Variants in PDE5A observed in about 807,000 individuals in gnomAD.
PDE5A encodes the protein cGMP-specific 3',5'-cyclic phosphodiesterase.
A neutral mutation model predicts 110.2 loss-of-function variants in PDE5A; 67 were observed. The observed-to-expected ratio is 0.61, with a 90% CI of 0.50 to 0.75. PDE5A has a LOEUF of 0.75. PDE5A is among the 30% of genes least tolerant of loss of function. The pLI is 0.00. For synonymous variants in PDE5A, 328 were observed against 351.2 expected, an observed-to-expected ratio of 0.93 and a Z score of 0.74; for missense variants, 862 against 1,045.1, an observed-to-expected ratio of 0.82 and a Z score of 2.42.
At chr4:119,596,221 G>C (rs1369540241) in intron 3 of PDE5A, among the ~76,000 whole-genome samples, 1 of 151,930 alleles carries the variant, frequency 6.6e-6, no homozygotes, top group East Asian at 1.9e-4. Flanking sequence ...GCAATGAATT[G>C]ATCCTAATCA....
chr4:119,619,042 C>T (rs1025692330), intron 1 of PDE5A, among the ~76,000 whole-genome samples: 1 of 152,086 alleles, frequency 6.6e-6, no homozygotes, highest in African/African-American at 2.4e-5. Flanking sequence ...TTTCATTAGT[C>T]ATGTGAATTA....
At chr4:119,565,575 G>A (rs1223393343) in intron 4 of PDE5A, among the ~76,000 whole-genome samples, 165 bp from the exon 5 acceptor site, 1 of 152,050 alleles carries the variant, frequency 6.6e-6, no homozygotes, top group Non-Finnish European at 1.5e-5. Context: ...AAAGGTATTG[G>A]AATAGTCTCC....
intron 3 of PDE5A, among the ~76,000 whole-genome samples, chr4:119,580,477 T>C (rs1333519166): frequency 6.6e-6 from 1 of 152,188 alleles, no homozygotes; most frequent in Non-Finnish European, 1.5e-5. Flanking sequence ...CAGTGTTTAC[T>C]GTTGTTGTTT....
intron 11 of PDE5A, among the ~76,000 whole-genome samples, chr4:119,532,586 T>C (rs1726583648): frequency 6.6e-6 from 1 of 152,022 alleles, no homozygotes; most frequent in Non-Finnish European, 1.5e-5. Context: ...GTTTATTCAA[T>C]AGAGAAGAAA....
Position 119,596,544 on chromosome 4 carries a change from T to C in PDE5A, c.810A>G (p.Pro270=). 3 of 1,592,330 alleles carry C rather than the reference T, an allele frequency of 1.9e-6. No individual in the cohort carries two copies. Among genetic ancestry groups the C allele is most frequent in the Non-Finnish European group, 2.6e-6 (3 of 1,167,790 alleles). The change falls in exon 3 of 21, where the codon CCA becomes CCG. Residue 270 remains proline, a synonymous_variant. Transcript: ENST00000354960. Reference sequence around the variant, plus strand: ...TTACCTCTTCCCTATGATTCTTAATTGGCATACAAAGAATGCTTTGTGTCT... The same window carrying C: ...TTACCTCTTCCCTATGATTCTTAATCGGCATACAAAGAATGCTTTGTGTCT... ...GYKTQSILCM[P]IKNHREEVVG...
intron 9 of PDE5A, among the ~76,000 whole-genome samples, chr4:119,544,592 A>G (rs1727068553): frequency 6.6e-6 from 1 of 152,174 alleles, no homozygotes; most frequent in African/African-American, 2.4e-5. Context: ...CCTTATCCTC[A>G]CATCACAATG....
intron 2 of PDE5A, among the ~76,000 whole-genome samples, chr4:119,606,241 T>C (rs1319559879): frequency 3.9e-5 from 6 of 152,150 alleles, no homozygotes; most frequent in Non-Finnish European, 8.8e-5. Context: ...AAAACCAGAC[T>C]TTGGTATCAA....
intron 5 of PDE5A, among the ~76,000 whole-genome samples, chr4:119,564,593 G>C (rs1211512631): frequency 6.6e-6 from 1 of 151,982 alleles, no homozygotes; most frequent in African/African-American, 2.4e-5. Flanking sequence ...TCAACAGGAT[G>C]CCTAATATAA....
rs1299722312 is a variant in PDE5A at position 119,497,622 on chromosome 4, T to C, written c.*979A>G. 1 of 152,200 alleles carries C rather than the reference T, an allele frequency of 6.6e-6. No homozygotes were observed. The highest frequency in any genetic ancestry group is 2.4e-5 in the African/African-American group (1 of 41,452). The allele number at this position is 152,200 out of a possible 1,614,324, so 9.4% of individuals were successfully genotyped here. On this transcript the variant is annotated 3_prime_UTR_variant, in exon 21 of 21. Transcript: ENST00000354960. ...TAGTATTGGCAATAGCCCTTTGCTA[T>C]TTATATAATTAAAACTTTTCTTTAA...
chr4:119,591,056 T>C (rs967375403), intron 3 of PDE5A, among the ~76,000 whole-genome samples: 1 of 152,140 alleles, frequency 6.6e-6, no homozygotes, highest in African/African-American at 2.4e-5. Flanking sequence ...TGAGGAAAAA[T>C]AGAGAAAAAC....
intron 10 of PDE5A, among the ~76,000 whole-genome samples, chr4:119,540,655 A>G (rs575654629): frequency 5.8e-4 from 89 of 152,366 alleles, no homozygotes; most frequent in African/African-American, 2.1e-3. Context: ...GGGCATAAGG[A>G]TTAACTTTGT....
At chr4:119,588,335 AC>A (rs549056223) in intron 3 of PDE5A, among the ~76,000 whole-genome samples, 104 of 151,376 alleles carry the variant, frequency 6.9e-4, no homozygotes, top group African/African-American at 2.3e-3. Context: ...CATGCCACAC[AC>A]CCGGCTAATT....
chr4:119,611,986 T>C (rs1162608887), intron 1 of PDE5A, among the ~76,000 whole-genome samples: 3 of 152,222 alleles, frequency 2.0e-5, no homozygotes, highest in Admixed American at 6.5e-5. Context: ...CTAATATCTA[T>C]ACTCCGCTGA....
chr4:119,545,008 C>T (rs143964931), intron 9 of PDE5A, among the ~76,000 whole-genome samples: 1,567 of 146,516 alleles, frequency 0.011, 13 homozygotes, highest in Non-Finnish European at 0.017. Context: ...CAGAGTTAAG[C>T]TCTGGGGAAA....
chr4:119,602,109 C>G (rs1729367154), intron 2 of PDE5A, among the ~76,000 whole-genome samples: 1 of 151,926 alleles, frequency 6.6e-6, no homozygotes, highest in African/African-American at 2.4e-5. Flanking sequence ...TGTTAATAGT[C>G]TTGTATCAGA....
At position 119,539,104 on chromosome 4, in the gene PDE5A, G is replaced by A. The variant is rs1351966468; in HGVS notation, c.1573-85C>T. 2.9e-6 allele frequency: 3 copies of A among 1,034,344 alleles called. No individual in the cohort carries two copies. The African/African-American group carries it at 4.7e-5, about 16-fold the overall frequency. The allele number at this position is 1,034,344 out of a possible 1,614,324, so 64.1% of individuals were successfully genotyped here. The stretch of plus-strand genomic sequence containing the variant: ...AACTTCAAGCTTGGAATTCTGCTAA[G>A]TCTTCTTGGAGAGATAATTAGACTC... On this transcript the variant is annotated intron_variant, in intron 10 of 20. Transcript: ENST00000354960.
chr4:119,604,041 T>C (rs995808149), intron 2 of PDE5A, among the ~76,000 whole-genome samples: 1 of 152,166 alleles, frequency 6.6e-6, no homozygotes, highest in African/African-American at 2.4e-5. Flanking sequence ...CAATGTAAAT[T>C]AGATCACAGA....
chr4:119,628,493 C>CG, intron 1 of PDE5A, 27 bp downstream of exon 1: 1 of 1,529,636 alleles, frequency 6.5e-7, no homozygotes, highest in Non-Finnish European at 8.9e-7. Flanking sequence ...AAATCAGCCC[C>CG]GGGTCTTCCG....
chr4:119,511,228 G>C (rs1354367587), intron 14 of PDE5A, 94 bp from the exon 15 acceptor site: 1 of 684,656 alleles, frequency 1.5e-6, no homozygotes, highest in Non-Finnish European at 2.6e-6. Context: ...TACAAAAGAG[G>C]CTACTTCACA....
Sources: gnomAD v4.1 joint callset for allele counts (sites outside exome capture counted in the v4.1 genomes callset) on GRCh38, gnomAD v4.1.1 for gene constraint, MANE v1.5 for transcripts, NCBI Gene and HGNC (gene_info 2026-07-23, HGNC 2026-07-21) for gene names.